The following CCDC181 variants were observed in gnomAD, a reference collection of about 807,000 sequenced individuals.
The protein encoded by CCDC181 is coiled-coil domain-containing protein 181.
CCDC181 carries 35 observed loss-of-function variants against 58.7 expected under a neutral mutation model. The ratio of observed to expected loss-of-function variants is 0.60; its 90% CI spans 0.46 to 0.79. The LOEUF (loss-of-function observed/expected upper bound fraction) is 0.79. CCDC181 is among the 30% of genes least tolerant of loss of function. The pLI, the probability that CCDC181 is intolerant of heterozygous loss-of-function variation, is 0.00. For synonymous variants in CCDC181, 183 were observed against 197.5 expected (o/e 0.93, Z 0.62); for missense variants, 517 against 583.9 (o/e 0.89, Z 1.18).
chr1:169,406,914 A>G (rs932190345), intron 4 of CCDC181, among the ~76,000 whole-genome samples: 4 of 152,150 alleles, frequency 2.6e-5, no homozygotes, highest in African/African-American at 9.7e-5. Context: ...TGATGCCTCA[A>G]GATGGATCAA....
At chr1:169,403,075 T>C (rs1351151308) in intron 4 of CCDC181, among the ~76,000 whole-genome samples, 1 of 151,592 alleles carries the variant, frequency 6.6e-6, no homozygotes, top group African/African-American at 2.4e-5. Context: ...AAGGCCATTA[T>C]ATAATGATGG....
chr1:169,399,263 C>T (rs1050344155), intron 4 of CCDC181, among the ~76,000 whole-genome samples: 3 of 152,150 alleles, frequency 2.0e-5, no homozygotes, highest in Non-Finnish European at 4.4e-5. Flanking sequence ...GCTTTTGTAA[C>T]AGCCCAGCCA....
At chr1:169,458,292 CAT>C (rs1200702117) in intron 2 of CCDC181, among the ~76,000 whole-genome samples, 5 of 150,852 alleles carry the variant, frequency 3.3e-5, no homozygotes, top group Admixed American at 1.3e-4. Flanking sequence ...ATAGGAAATG[CAT>C]ATATTTGACT....
At chr1:169,422,459 A>G (rs1656524574) in intron 2 of CCDC181, 146 bp from the exon 3 acceptor site, 1 of 558,578 alleles carries the variant, frequency 1.8e-6, no homozygotes, top group South Asian at 3.9e-5. Flanking sequence ...ATAACATTCT[A>G]ATTCATACTT....
At chr1:169,449,353 T>G (rs910323921) in intron 2 of CCDC181, among the ~76,000 whole-genome samples, 2 of 152,200 alleles carry the variant, frequency 1.3e-5, no homozygotes, top group African/African-American at 4.8e-5. Context: ...AGCTTCCAAT[T>G]TCTCTAGTAT....
intron 3 of CCDC181, among the ~76,000 whole-genome samples, chr1:169,420,397 C>CT (rs58922330): frequency 0.025 from 3,285 of 133,970 alleles, 59 homozygotes; most frequent in East Asian, 0.032. Context: ...TCATGTTTCA[C>CT]TTTTTTTTTT....
intron 4 of CCDC181, among the ~76,000 whole-genome samples, chr1:169,404,422 G>C (rs2102052757): frequency 6.6e-6 from 1 of 152,242 alleles, no homozygotes; most frequent in East Asian, 1.9e-4. Flanking sequence ...TAAAATACTG[G>C]CAAACCAAAT....
intron 5 of CCDC181, among the ~76,000 whole-genome samples, chr1:169,395,487 C>T (rs1654968446): frequency 6.6e-6 from 1 of 152,132 alleles, no homozygotes; most frequent in Admixed American, 6.5e-5. Context: ...TTTATGTGTG[C>T]TGTAGATCCT....
At chr1:169,416,015 T>C (rs1357506818) in intron 4 of CCDC181, among the ~76,000 whole-genome samples, 2 of 152,200 alleles carry the variant, frequency 1.3e-5, no homozygotes, top group African/African-American at 4.8e-5. Context: ...CAACTTAAAT[T>C]GGTCACCCCT....
At chr1:169,445,616 T>C (rs12022768) in intron 2 of CCDC181, among the ~76,000 whole-genome samples, 12,841 of 152,158 alleles carry the variant, frequency 0.084, 738 homozygotes, top group Admixed American at 0.19. Context: ...ATAATGTCTG[T>C]TTTTGGCATT....
At chr1:169,439,042 C>A (rs1657133433) in intron 2 of CCDC181, among the ~76,000 whole-genome samples, 1 of 152,082 alleles carries the variant, frequency 6.6e-6, no homozygotes, top group Non-Finnish European at 1.5e-5. Flanking sequence ...TAGGGAGAGC[C>A]AACTGAGACC....
At chr1:169,404,464 G>A (rs1170795131) in intron 4 of CCDC181, among the ~76,000 whole-genome samples, 1 of 152,182 alleles carries the variant, frequency 6.6e-6, no homozygotes, top group African/African-American at 2.4e-5. Flanking sequence ...TATCCACCAT[G>A]ATCAAGTGGG....
intron 1 of CCDC181, among the ~76,000 whole-genome samples, chr1:169,425,317 TAA>T (rs2102101864): frequency 6.6e-6 from 1 of 152,254 alleles, no homozygotes; most frequent in South Asian, 2.1e-4. Context: ...TTGGCCAGAC[TAA>T]GTTATTACTG....
At chr1:169,396,905 A>T (rs1217823665) in intron 5 of CCDC181, among the ~76,000 whole-genome samples, 1 of 152,176 alleles carries the variant, frequency 6.6e-6, no homozygotes, top group Non-Finnish European at 1.5e-5. Context: ...AGCTGTAACC[A>T]ATCTTCAACC....
chr1:169,454,517 A>T (rs1657632287), intron 2 of CCDC181: 2 of 152,082 alleles, frequency 1.3e-5, no homozygotes, highest in Admixed American at 1.3e-4. Context: ...GGAGGCAATT[A>T]TTAAATTGCT....
chr1:169,437,606 G>A (rs1429364790), intron 2 of CCDC181, among the ~76,000 whole-genome samples: 1 of 152,148 alleles, frequency 6.6e-6, no homozygotes, highest in African/African-American at 2.4e-5. Flanking sequence ...ATCTTAATGT[G>A]TTGGCTAGTG....
rs150482413 is a variant in CCDC181, at chr1:169,408,144, A to G, written c.1216-10753T>C. Among the ~76,000 whole-genome samples, 511 of 152,330 alleles carry G rather than the reference A, an allele frequency of 3.4e-3. 3 individuals are homozygous for G. Among genetic ancestry groups the G allele is most frequent in the Middle Eastern group, 0.01 (3 of 294 alleles). On this transcript the variant is annotated intron_variant, in intron 4 of 5. Coordinates refer to ENST00000367806, the MANE Select transcript of CCDC181 (RefSeq NM_001300969.2). ...AGCTCAGCAGATCTCACCCCCACAA[A>G]GCCCAGCAAGCTAAGATCCACTTGC...
In CCDC181 at chr1:169,421,638, T is replaced by A; in HGVS notation, c.793A>T (p.Ser265Cys). 6.2e-7 allele frequency: 1 copy of A among 1,614,158 alleles called. No individual in the cohort carries two copies. The highest frequency in any genetic ancestry group is 8.5e-7 in the Non-Finnish European group (1 of 1,180,012). Residue 265 changes from serine to cysteine, a missense_variant, in exon 3 of 6, where the codon AGT (serine) becomes TGT (cysteine). Transcript: ENST00000367806. ...LLPRSSNSSV[S>C]GTKKEDSTAK... ...GTAGAATCTTCTTTCTTGGTGCCACTGACAGAGGAGTTGGAAGATCTGGGT... is the reference window on the plus strand; with the variant it reads ...GTAGAATCTTCTTTCTTGGTGCCACAGACAGAGGAGTTGGAAGATCTGGGT...
At position 169,413,681 on chromosome 1, in the gene CCDC181, A is replaced by AG. The variant is rs546035118; in HGVS notation, c.1215+5331_1215+5332insC. 9.1e-4 allele frequency among the ~76,000 whole-genome samples: 138 copies of AG among 152,360 alleles called. 1 individual carries two copies. The highest frequency in any genetic ancestry group is 1.3e-3 in the Non-Finnish European group (86 of 68,034). The stretch of plus-strand genomic sequence containing the variant: ...TGGCAGTTATATACCATGGAATAGT[A>AG]TGCAGCTATAAAAAAGGATGAGTTC... On this transcript the variant is annotated intron_variant, in intron 4 of 5. Coordinates refer to ENST00000367806, the MANE Select transcript of CCDC181 (RefSeq NM_001300969.2).
Sources: allele counts gnomAD v4.1 joint callset (sites outside exome capture counted in the v4.1 genomes callset), GRCh38; gene constraint gnomAD v4.1.1; transcripts MANE v1.5; gene names NCBI Gene and HGNC (gene_info 2026-07-23, HGNC 2026-07-21).